URGCP: variants seen among roughly 807,000 people sequenced by gnomAD.
URGCP encodes the protein up-regulator of cell proliferation.
URGCP carries 13 observed loss-of-function variants against 24.6 expected under a neutral mutation model. The ratio of observed to expected loss-of-function variants is 0.53; its 90% CI spans 0.34 to 0.84. The LOEUF is 0.84. URGCP is among the 40% of genes least tolerant of loss of function. URGCP has a pLI of 0.01. For missense variants in URGCP, 899 were observed against 1,194.3 expected, an observed-to-expected ratio of 0.75 and a Z score of 3.64; for synonymous variants, 444 against 487.2, an observed-to-expected ratio of 0.91 and a Z score of 1.17.
intron 3 of URGCP, among the ~76,000 whole-genome samples, chr7:43,884,287 G>A (rs2095858895): frequency 6.6e-6 from 1 of 152,178 alleles, no homozygotes; most frequent in African/African-American, 2.4e-5. Flanking sequence ...GGAAGCAGCA[G>A]GGCTCCAGGC....
At chr7:43,921,352 G>A (rs1260210155) in intron 1 of URGCP, among the ~76,000 whole-genome samples, 1 of 151,902 alleles carries the variant, frequency 6.6e-6, no homozygotes, top group Non-Finnish European at 1.5e-5. Flanking sequence ...AAAAGAGAGA[G>A]GTCTAATTAA....
At chr7:43,895,810 T>C (rs1348576270) in intron 1 of URGCP, among the ~76,000 whole-genome samples, 1 of 152,164 alleles carries the variant, frequency 6.6e-6, no homozygotes, top group Non-Finnish European at 1.5e-5. Context: ...AAAATAAAAC[T>C]AGCATGTGAT....
At chr7:43,915,289 G>C (rs1377430259) in intron 1 of URGCP, among the ~76,000 whole-genome samples, 1 of 152,120 alleles carries the variant, frequency 6.6e-6, no homozygotes, top group Non-Finnish European at 1.5e-5. Context: ...CATGAGGAGG[G>C]ATGAGTAAAA....
intron 1 of URGCP, among the ~76,000 whole-genome samples, chr7:43,895,815 T>G (rs1044403012): frequency 6.6e-6 from 1 of 152,214 alleles, no homozygotes; most frequent in Non-Finnish European, 1.5e-5. Flanking sequence ...AAAACTAGCA[T>G]GTGATTCAGC....
upstream of URGCP, chr7:43,910,886 A>C (rs11773572): frequency 3.9e-5 from 6 of 152,196 alleles, no homozygotes; most frequent in African/African-American, 1.4e-4. Flanking sequence ...AGAACATTAC[A>C]TATTGATAAG....
chr7:43,915,335 G>A (rs1470999301), intron 1 of URGCP, among the ~76,000 whole-genome samples: 2 of 152,104 alleles, frequency 1.3e-5, no homozygotes, highest in African/African-American at 4.8e-5. Flanking sequence ...TTTCCTTTTT[G>A]AGCTTTCTTG....
chr7:43,886,366 A>G (rs1163441081), intron 3 of URGCP, among the ~76,000 whole-genome samples: 4 of 152,238 alleles, frequency 2.6e-5, no homozygotes, highest in African/African-American at 9.6e-5. Context: ...ATTAATATCC[A>G]ATAGAACACT....
chr7:43,923,879 A>AT (rs113377627), intron 1 of URGCP, among the ~76,000 whole-genome samples: 18,090 of 149,626 alleles, frequency 0.12, 1,957 homozygotes, highest in African/African-American at 0.29. Flanking sequence ...TATTATTATT[A>AT]TTTTTTTTTT....
chr7:43,910,083 G>C (rs192111908), upstream of URGCP, among the ~76,000 whole-genome samples: 1 of 151,232 alleles, frequency 6.6e-6, no homozygotes, highest in East Asian at 2.0e-4. Flanking sequence ...AGACATATAA[G>C]AAAATTGTAG....
rs1348764603 is a variant in URGCP, at chr7:43,877,426, C to T, written c.2037G>A (p.Leu679=). Residue 679 remains leucine, a synonymous_variant, in exon 6 of 6, where the codon CTG becomes CTA. Coordinates refer to ENST00000453200, the MANE Select transcript of URGCP (RefSeq NM_001077663.3). ...SMPVRWVTGL[L]KELHVRLERR... is the part of the protein sequence containing the mutation. ...TCTCCAGTCGGACGTGCAGCTCCTT[C>T]AGGAGCCCTGTGACCCAGCGGACGG... is the stretch of plus-strand genomic sequence containing the variant. 1 of 1,613,474 alleles carries T rather than the reference C, an allele frequency of 6.2e-7. No homozygotes were observed. The highest frequency in any genetic ancestry group is 8.5e-7 in the Non-Finnish European group (1 of 1,180,020).
chr7:43,919,051 T>C (rs1176193169), intron 1 of URGCP: 1 of 1,046,318 alleles, frequency 9.6e-7, no homozygotes, highest in East Asian at 2.4e-5. Context: ...GAGGACATTT[T>C]TAACATCACA....
At position 43,897,156 on chromosome 7, in the gene URGCP, T is replaced by C. The variant is rs573863006; in HGVS notation, c.15-9340A>G. The stretch of plus-strand genomic sequence containing the variant: ...AGGTTGAGGCTGCAGTGAGCCGTGA[T>C]CCTGTCACTGAACTCCAACCTGGGC... On this transcript the variant is annotated intron_variant, in intron 1 of 5. Transcript: ENST00000453200. Among the ~76,000 whole-genome samples the C allele has an allele frequency of 1.8e-4, 27 of 152,196 alleles. No individual in the cohort carries two copies. In the South Asian group the frequency reaches 5.6e-3, roughly 32 times the overall value.
At chr7:43,907,514 T>C (rs2095905428), upstream of URGCP, among the ~76,000 whole-genome samples, 1 of 138,078 alleles carries the variant, frequency 7.2e-6, no homozygotes, top group South Asian at 2.2e-4. Flanking sequence ...AAGTTAAAAG[T>C]AAAATATCAT....
rs1212307906 is a variant in URGCP, at chr7:43,876,782, G to A, written c.2681C>T (p.Ala894Val). 6.2e-7 allele frequency: 1 copy of A among 1,614,086 alleles called. No homozygotes were observed. Among genetic ancestry groups the A allele is most frequent in the African/African-American group, 1.3e-5 (1 of 74,936 alleles). Residue 894 changes from alanine to valine, a missense_variant, in exon 6 of 6, where the codon GCC becomes GTC. Transcript: ENST00000453200. ...CAATTCAAATATGGCTTCACTGTAG[G>A]CCAAGCTCACTGCGGCCATGGGAGG... Reference protein sequence around the residue: ...GAPPMAAVSLAYSEAIFELKR... With the variant: ...GAPPMAAVSLVYSEAIFELKR...
At chr7:43,915,953 G>A (rs1204786388) in intron 1 of URGCP, among the ~76,000 whole-genome samples, 1 of 152,144 alleles carries the variant, frequency 6.6e-6, no homozygotes, top group East Asian at 1.9e-4. Context: ...AGGCTGGAGT[G>A]AGCCAAGATT....
At position 43,877,354 on chromosome 7, in the gene URGCP, C is replaced by T. The variant is rs752087421; in HGVS notation, c.2109G>A (p.Thr703=). 52 of 1,612,656 alleles carry T rather than the reference C, an allele frequency of 3.2e-5. No homozygotes were observed. In the East Asian group the frequency reaches 4.5e-4, roughly 14 times the overall value. ...VVLSTVGVPG[T]GKSTLLNTMF... ...TGGTGTTGAGGAGTGTGGACTTGCC[C>T]GTGCCTGGCACCCCGACGGTTGACA... Residue 703 remains threonine (T), a synonymous_variant, in exon 6 of 6, where the codon ACG becomes ACA. Coordinates refer to ENST00000453200, the MANE Select transcript of URGCP (RefSeq NM_001077663.3).
intron 5 of URGCP, among the ~76,000 whole-genome samples, chr7:43,880,685 T>G (rs1264293781): frequency 6.6e-6 from 1 of 152,238 alleles, no homozygotes; most frequent in African/African-American, 2.4e-5. Context: ...ATGATCTGCC[T>G]GCCTCAGCCT....
intron 1 of URGCP, among the ~76,000 whole-genome samples, chr7:43,893,308 A>G (rs1265649650): frequency 2.6e-5 from 4 of 152,186 alleles, no homozygotes; most frequent in Non-Finnish European, 5.9e-5. Flanking sequence ...TGAGCCTAGG[A>G]GATAGAGAAT....
intron 1 of URGCP, among the ~76,000 whole-genome samples, chr7:43,918,264 A>G (rs1210106249): frequency 6.9e-6 from 1 of 145,750 alleles, no homozygotes; most frequent in African/African-American, 2.5e-5. Context: ...ATAGACCTCA[A>G]AAAAAAAAAA....
Sources: gnomAD v4.1 joint callset for allele counts (sites outside exome capture counted in the v4.1 genomes callset) on GRCh38, gnomAD v4.1.1 for gene constraint, MANE v1.5 for transcripts, NCBI Gene and HGNC (gene_info 2026-07-23, HGNC 2026-07-21) for gene names.